SNTG1: variants seen among roughly 807,000 people sequenced by gnomAD.
The protein encoded by SNTG1 is gamma-1-syntrophin.
A neutral mutation model predicts 74.7 loss-of-function variants in SNTG1; 39 were observed. That is an observed-to-expected ratio of 0.52 (90% CI 0.40 to 0.68). SNTG1 has a LOEUF of 0.68. Ranked by LOEUF, SNTG1 falls within the 30% of genes least tolerant of loss-of-function variation. The pLI is 0.00. For synonymous variants in SNTG1, 254 were observed against 217.1 expected, an observed-to-expected ratio of 1.17 and a Z score of -1.49; for missense variants, 685 against 609.5, an observed-to-expected ratio of 1.12 and a Z score of -1.30.
intron 2 of SNTG1, among the ~76,000 whole-genome samples, chr8:50,195,470 C>T (rs1255177214): frequency 4.6e-5 from 7 of 152,120 alleles, no homozygotes; most frequent in Admixed American, 1.3e-4. Flanking sequence ...TTTCTCGCCC[C>T]GTTCAAATTG....
intron 2 of SNTG1, among the ~76,000 whole-genome samples, chr8:50,280,732 T>C (rs562551904): frequency 6.6e-6 from 1 of 152,020 alleles, no homozygotes; most frequent in Non-Finnish European, 1.5e-5. Flanking sequence ...TCAGTTAATA[T>C]AAGGGGTTGT....
At chr8:50,218,765 A>G (rs2084916189) in intron 2 of SNTG1, among the ~76,000 whole-genome samples, 1 of 152,180 alleles carries the variant, frequency 6.6e-6, no homozygotes, top group Admixed American at 6.6e-5. Flanking sequence ...TAGCCTTTGT[A>G]ATACATTACA....
chr8:50,443,162 T>C (rs562838784), intron 5 of SNTG1, among the ~76,000 whole-genome samples: 4 of 152,346 alleles, frequency 2.6e-5, no homozygotes, highest in Admixed American at 1.3e-4. Context: ...GGGATAGTCA[T>C]GTTAAAGCAA....
chr8:50,401,623 G>A (rs2092806829), intron 3 of SNTG1, among the ~76,000 whole-genome samples: 1 of 152,066 alleles, frequency 6.6e-6, no homozygotes, highest in African/African-American at 2.4e-5. Flanking sequence ...GCGTGTTCAT[G>A]CAAGTCTGTG....
intron 18 of SNTG1, among the ~76,000 whole-genome samples, chr8:50,785,594 GA>G (rs571712048): frequency 1.3e-3 from 200 of 152,036 alleles, no homozygotes; most frequent in African/African-American, 4.7e-3. Context: ...ATTAAACAAT[GA>G]AAAAACAATT....
chr8:50,517,938 G>C (rs182761006), intron 9 of SNTG1, among the ~76,000 whole-genome samples: 1 of 152,278 alleles, frequency 6.6e-6, no homozygotes, highest in East Asian at 1.9e-4. Flanking sequence ...CTTGAACTCA[G>C]CTCTGGAGCA....
At chr8:49,958,016 A>G (rs1164168577) in intron 1 of SNTG1, among the ~76,000 whole-genome samples, 1 of 152,212 alleles carries the variant, frequency 6.6e-6, no homozygotes, top group Non-Finnish European at 1.5e-5. Flanking sequence ...CTTAAAAAAA[A>G]AATTCTGCTG....
Position 50,457,053 on chromosome 8 carries a change from C to T in SNTG1, c.363+6324C>T, listed in dbSNP as rs529090378. ...AAACTGAAAGCCAAGGAGAAGAAAC[C>T]GTATGACAACGGAGATTTTAACTCA... On this transcript the variant is annotated intron_variant, in intron 8 of 18. Coordinates refer to ENST00000642720, the MANE Select transcript of SNTG1 (RefSeq NM_018967.5). 5.3e-5 allele frequency: 8 copies of T among 152,240 alleles called. No individual in the cohort carries two copies. In the East Asian group the frequency reaches 1.2e-3, roughly 22 times the overall value. 9.4% of individuals were successfully genotyped at this position (152,240 alleles called of 1,614,324 possible).
chr8:50,252,818 C>G (rs10957849), intron 2 of SNTG1, among the ~76,000 whole-genome samples: 136,110 of 152,220 alleles, frequency 0.89, 62,312 homozygotes, highest in East Asian at 1. Flanking sequence ...CCAACATTGA[C>G]AGTCACATTT....
At chr8:50,057,983 C>T (rs1820168495) in intron 1 of SNTG1, among the ~76,000 whole-genome samples, 1 of 152,112 alleles carries the variant, frequency 6.6e-6, no homozygotes, top group South Asian at 2.1e-4. Flanking sequence ...AAAGCATTTA[C>T]ACATGTTGGA....
chr8:50,738,602 A>G (rs2095534943), intron 17 of SNTG1, among the ~76,000 whole-genome samples: 1 of 152,084 alleles, frequency 6.6e-6, no homozygotes, highest in Non-Finnish European at 1.5e-5. Context: ...CACAGCCAGG[A>G]CAATCCTAAA....
At chr8:50,012,291 G>A (rs938281480) in intron 1 of SNTG1, among the ~76,000 whole-genome samples, 1 of 151,936 alleles carries the variant, frequency 6.6e-6, no homozygotes, top group Non-Finnish European at 1.5e-5. Context: ...TTTACTACTT[G>A]CATGTCAATG....
In SNTG1 at chr8:50,058,797, G is replaced by T. The variant is rs1344575578; in HGVS notation, c.-102-113764G>T. ...TTAGTGCCATGCAATTTTATCACAG[G>T]TAAAATGTCTTAAGTACATCACCTG... On this transcript the variant is annotated intron_variant, in intron 1 of 18. Transcript: ENST00000642720. Among the ~76,000 whole-genome samples, 4 of 151,454 alleles carry T rather than the reference G, an allele frequency of 2.6e-5. No homozygotes were observed. The East Asian group carries it at 7.8e-4, about 29-fold the overall frequency.
intron 1 of SNTG1, among the ~76,000 whole-genome samples, chr8:49,990,275 G>GA (rs1179993049): frequency 6.6e-6 from 1 of 151,866 alleles, no homozygotes; most frequent in Non-Finnish European, 1.5e-5. Context: ...ATGGAACTAA[G>GA]AAAAACAATT....
intron 1 of SNTG1, among the ~76,000 whole-genome samples, chr8:50,023,518 T>C (rs1817004426): frequency 6.6e-6 from 1 of 152,176 alleles, no homozygotes; most frequent in South Asian, 2.1e-4. Flanking sequence ...GTTCAGAGGG[T>C]AAAAGCTAAA....
chr8:50,041,939 T>C (rs1229544130), intron 1 of SNTG1, among the ~76,000 whole-genome samples: 1 of 152,206 alleles, frequency 6.6e-6, no homozygotes, highest in African/African-American at 2.4e-5. Context: ...TCCACACTTT[T>C]GAATATCTCT....
In SNTG1 at chr8:50,742,498, C is replaced by T. The variant is rs118110249; in HGVS notation, c.1285-9503C>T. Among the ~76,000 whole-genome samples, 96 of 150,868 alleles carry T rather than the reference C, an allele frequency of 6.4e-4. No individual in the cohort carries two copies. The East Asian group carries it at 0.012, about 18-fold the overall frequency. On this transcript the variant is annotated intron_variant, in intron 17 of 18. Coordinates refer to ENST00000642720, the MANE Select transcript of SNTG1 (RefSeq NM_018967.5). ...ACATACCAAAATATATGAGACAAAG[C>T]GAAAGCAGTACTAAAAGGGAAACTT...
chr8:49,916,431 A>AT (rs988467966), intron 1 of SNTG1, among the ~76,000 whole-genome samples: 3 of 151,822 alleles, frequency 2.0e-5, no homozygotes, highest in South Asian at 2.1e-4. Flanking sequence ...ATCATGTTAT[A>AT]TTTTTTTTCA....
At chr8:50,327,293 C>T (rs2090787350) in intron 2 of SNTG1, among the ~76,000 whole-genome samples, 1 of 152,048 alleles carries the variant, frequency 6.6e-6, no homozygotes, top group Non-Finnish European at 1.5e-5. Flanking sequence ...GCGAATTCAC[C>T]CTTTTCTCCT....
Sources: gnomAD v4.1 joint callset for allele counts (sites outside exome capture counted in the v4.1 genomes callset) on GRCh38, gnomAD v4.1.1 for gene constraint, MANE v1.5 for transcripts, NCBI Gene and HGNC (gene_info 2026-07-23, HGNC 2026-07-21) for gene names.